MRTFA: variants seen among roughly 807,000 people sequenced by gnomAD.
MRTFA encodes the protein myocardin related transcription factor A, also known as myocardin-related transcription factor A.
MRTFA carries 20 observed loss-of-function variants against 83.5 expected under a neutral mutation model. The ratio of observed to expected loss-of-function variants is 0.24; its 90% CI spans 0.17 to 0.35. MRTFA has a LOEUF of 0.35. MRTFA is among the 10% of genes least tolerant of loss of function. The pLI is 1.00. For synonymous variants in MRTFA, 659 were observed against 541.2 expected (o/e 1.22, Z -3.02); for missense variants, 1,200 against 1,224.7 (o/e 0.98, Z 0.30).
At chr22:40,425,614 C>T (rs1342762695) in intron 7 of MRTFA, among the ~76,000 whole-genome samples, 1 of 152,102 alleles carries the variant, frequency 6.6e-6, no homozygotes, top group Non-Finnish European at 1.5e-5. Flanking sequence ...TCTGTCCCCT[C>T]ATCTGTCCCA....
intron 1 of MRTFA, among the ~76,000 whole-genome samples, chr22:40,631,497 T>G (rs1372982070): frequency 1.3e-5 from 2 of 152,134 alleles, no homozygotes; most frequent in African/African-American, 4.8e-5. Context: ...CAGTCCAAGT[T>G]CATACACACG....
intron 3 of MRTFA, among the ~76,000 whole-genome samples, chr22:40,507,116 T>C (rs1264394248): frequency 6.6e-6 from 1 of 152,118 alleles, no homozygotes; most frequent in African/African-American, 2.4e-5. Context: ...AAACCAGCAA[T>C]TTGGGAGACC....
chr22:40,605,420 C>T (rs1386272750), intron 1 of MRTFA, among the ~76,000 whole-genome samples: 1 of 152,172 alleles, frequency 6.6e-6, no homozygotes, highest in African/African-American at 2.4e-5. Context: ...GATGACAGTG[C>T]AGCCGACTGA....
chr22:40,611,177 G>A (rs2056384029), intron 1 of MRTFA, among the ~76,000 whole-genome samples: 1 of 151,900 alleles, frequency 6.6e-6, no homozygotes, highest in South Asian at 2.1e-4. Flanking sequence ...GACCTAAAGT[G>A]ATCTGCCCAC....
chr22:40,497,729 G>A (rs901659088), intron 3 of MRTFA, among the ~76,000 whole-genome samples: 1 of 151,866 alleles, frequency 6.6e-6, no homozygotes, highest in African/African-American at 2.4e-5. Flanking sequence ...CTTCAGCCTG[G>A]GCAACAGAGA....
chr22:40,612,657 A>C (rs1003430302), intron 1 of MRTFA, among the ~76,000 whole-genome samples: 1 of 152,202 alleles, frequency 6.6e-6, no homozygotes, highest in Non-Finnish European at 1.5e-5. Context: ...AAAAAAAAAC[A>C]TTTCCATAAG....
chr22:40,608,505 A>T (rs1477605361), intron 1 of MRTFA, among the ~76,000 whole-genome samples: 1 of 152,212 alleles, frequency 6.6e-6, no homozygotes, highest in Non-Finnish European at 1.5e-5. Context: ...ATTACAGTGC[A>T]CCAGGTGCTG....
chr22:40,621,105 C>T (rs991079195), intron 1 of MRTFA, among the ~76,000 whole-genome samples: 2 of 151,600 alleles, frequency 1.3e-5, no homozygotes, highest in African/African-American at 2.4e-5. Context: ...TGCTTGAGCC[C>T]CAGGAGATGG....
chr22:40,477,175 CAAAAAAAAAA>C (rs55932110), intron 3 of MRTFA, among the ~76,000 whole-genome samples: 94 of 59,612 alleles, frequency 1.6e-3, no homozygotes, highest in Non-Finnish European at 2.2e-3. Context: ...ACTAAAAATA[CAAAAAAAAAA>C]AAAAAAAAAA....
intron 1 of MRTFA, among the ~76,000 whole-genome samples, chr22:40,619,889 CAAAAAAAA>C (rs1213944103): frequency 5.7e-5 from 3 of 52,442 alleles, no homozygotes; most frequent in Admixed American, 2.1e-4. Flanking sequence ...AACTCCGTCT[CAAAAAAAA>C]AAAAAAAAAA....
chr22:40,424,170 T>C (rs1186549444), intron 8 of MRTFA, 36 bp downstream of exon 8: 56 of 1,563,764 alleles, frequency 3.6e-5, no homozygotes, highest in Non-Finnish European at 4.7e-5. Context: ...CCCTAGCACC[T>C]TGGAGCTGGG....
chr22:40,511,723 G>A (rs1325193439), intron 3 of MRTFA, among the ~76,000 whole-genome samples: 3 of 152,240 alleles, frequency 2.0e-5, no homozygotes, highest in African/African-American at 7.2e-5. Context: ...ACTGTGGCAA[G>A]TGCCTACTGG....
At chr22:40,517,577 G>C (rs988356239) in intron 3 of MRTFA, among the ~76,000 whole-genome samples, 2 of 152,118 alleles carry the variant, frequency 1.3e-5, no homozygotes, top group African/African-American at 4.8e-5. Flanking sequence ...GTTAATATAC[G>C]TAAGGAGCTT....
Position 40,410,314 on chromosome 22 carries a change from A to C in MRTFA, c.*1076T>G. The C allele has an allele frequency of 2.5e-6, 1 of 407,756 alleles. No homozygotes were observed. The highest frequency in any genetic ancestry group is 3.6e-6 in the Non-Finnish European group (1 of 279,214). The allele number at this position is 407,756 out of a possible 1,614,324, so 25.3% of individuals were successfully genotyped here. On this transcript the variant is annotated 3_prime_UTR_variant, in exon 15 of 15. Coordinates refer to ENST00000355630, the MANE Select transcript of MRTFA (RefSeq NM_020831.6). ...CTGTGTTTTTGTGTTTATTTTAAAAAGTTCACACACCTTCCCCATCTTTGT... is the reference window on the plus strand; with the variant it reads ...CTGTGTTTTTGTGTTTATTTTAAAACGTTCACACACCTTCCCCATCTTTGT...
In MRTFA at chr22:40,417,352, G is replaced by C. The variant is rs770664692; in HGVS notation, c.2506C>G (p.Pro836Ala). The change falls in exon 13 of 15, where the codon CCC becomes GCC. Residue 836 changes from proline (P) to alanine (A), a missense_variant. Pro to Ala is a conservative substitution (Grantham distance 27, BLOSUM62 -1). Around this residue, in one of 2 missense-constraint regions of MRTFA, gnomAD observed 1,107 missense variants for 1,041.8 expected, o/e 1.06. Coordinates refer to ENST00000355630, the MANE Select transcript of MRTFA (RefSeq NM_020831.6). ...CCCGCCTTCCTCACCTGCTGTTTGG[G>C]CTGCTGGCTCATGGCTTCCTCATAG... 3 of 1,611,182 alleles carry C rather than the reference G, an allele frequency of 1.9e-6. No homozygotes were observed. The highest frequency in any genetic ancestry group is 1.3e-5 in the African/African-American group (1 of 74,858).
intron 2 of MRTFA, among the ~76,000 whole-genome samples, chr22:40,572,844 C>A (rs1183418577): frequency 6.6e-6 from 1 of 152,144 alleles, no homozygotes; most frequent in Non-Finnish European, 1.5e-5. Context: ...CAGGAAAGAC[C>A]CGCCACCCCT....
At chr22:40,484,909 A>G (rs2054150374) in intron 3 of MRTFA, among the ~76,000 whole-genome samples, 1 of 152,018 alleles carries the variant, frequency 6.6e-6, no homozygotes, top group African/African-American at 2.4e-5. Context: ...CGTCTCTACT[A>G]AAAATACAAA....
chr22:40,504,628 C>G (rs1270899584), intron 3 of MRTFA, among the ~76,000 whole-genome samples: 6 of 152,128 alleles, frequency 3.9e-5, no homozygotes, highest in Non-Finnish European at 7.4e-5. Context: ...TTCACCCACA[C>G]AAATGTAAGC....
chr22:40,486,347 G>C (rs1248385996), intron 3 of MRTFA, among the ~76,000 whole-genome samples: 2 of 152,202 alleles, frequency 1.3e-5, no homozygotes, highest in Non-Finnish European at 2.9e-5. Context: ...AGAGTGTTTT[G>C]TAACTATGAG....
Sources: gnomAD v4.1 joint callset for allele counts (sites outside exome capture counted in the v4.1 genomes callset) on GRCh38, gnomAD v4.1.1 for gene constraint, gnomAD v4.1.1 regional missense constraint, MANE v1.5 for transcripts, NCBI Gene and HGNC (gene_info 2026-07-23, HGNC 2026-07-21) for gene names.